Variants in CMBL observed in about 807,000 individuals in gnomAD.
CMBL encodes carboxymethylenebutenolidase homolog (Pseudomonas).
In CMBL, 17 loss-of-function variants were observed where a neutral mutation model predicts 28.7. The observed-to-expected ratio is 0.59, with a 90% CI of 0.41 to 0.89. The LOEUF (loss-of-function observed/expected upper bound fraction) is 0.89. Among genes scored for constraint, CMBL ranks in the 40% least tolerant of loss-of-function variants. The pLI, the probability that CMBL is intolerant of heterozygous loss-of-function variation, is 0.00. For synonymous variants in CMBL, 106 were observed against 101.6 expected, an observed-to-expected ratio of 1.04 and a Z score of -0.26; for missense variants, 310 against 298.5, an observed-to-expected ratio of 1.04 and a Z score of -0.28.
At chr5:10,283,229 T>C (rs1746532959) in intron 4 of CMBL, among the ~76,000 whole-genome samples, 1 of 152,134 alleles carries the variant, frequency 6.6e-6, no homozygotes, top group African/African-American at 2.4e-5. Context: ...CGCTGCTTAG[T>C]ATGGAAAGAT....
chr5:10,291,137 G>T (rs867902484), intron 1 of CMBL, among the ~76,000 whole-genome samples: 46 of 152,302 alleles, frequency 3.0e-4, no homozygotes, highest in African/African-American at 1.1e-3. Context: ...ACCCGACTCA[G>T]GAGCACACCC....
At chr5:10,297,611 T>C (rs1579476618) in intron 1 of CMBL, among the ~76,000 whole-genome samples, 1 of 142,890 alleles carries the variant, frequency 7.0e-6, no homozygotes, top group South Asian at 2.2e-4. Flanking sequence ...GTGCAAAAGA[T>C]GGAGGGAAGA....
At chr5:10,288,706 C>T (rs1050012795) in intron 2 of CMBL, among the ~76,000 whole-genome samples, 177 bp from the exon 3 acceptor site, 12 of 152,240 alleles carry the variant, frequency 7.9e-5, no homozygotes, top group African/African-American at 2.2e-4. Context: ...CGGGCCAAGC[C>T]CTCTTAGGTT....
Position 10,279,392 on chromosome 5 carries a change from T to C in CMBL, c.*1061A>G, listed in dbSNP as rs1372465054. The C allele has an allele frequency of 6.6e-6, 1 of 152,246 alleles. No individual in the cohort carries two copies. Among genetic ancestry groups the C allele is most frequent in the Non-Finnish European group, 1.5e-5 (1 of 68,042 alleles). The allele number at this position is 152,246 out of a possible 1,614,324, so 9.4% of individuals were successfully genotyped here. A position where few individuals can be genotyped will look rare whatever the true frequency, so the allele number is the denominator to read the frequency against. On this transcript the variant is annotated 3_prime_UTR_variant, in exon 6 of 6. Transcript: ENST00000296658. ...AAATGTGACAAATTCAGCTGTTTTG[T>C]GGCATAGATAAGTGTCTAAGCTGGG...
chr5:10,292,063 G>GA (rs1456719560), intron 1 of CMBL: 1 of 152,204 alleles, frequency 6.6e-6, no homozygotes, highest in Non-Finnish European at 1.5e-5. Flanking sequence ...ATGAGGCGGC[G>GA]AAAGTGGGAG....
Position 10,280,213 on chromosome 5 carries a change from A to G in CMBL, c.*240T>C, listed in dbSNP as rs1326536577. On this transcript the variant is annotated 3_prime_UTR_variant, in exon 6 of 6. Coordinates refer to ENST00000296658, the MANE Select transcript of CMBL (RefSeq NM_138809.4). ...TTTGGCCTCCCAAAGTGCTGGAATT[A>G]CAGGCATGAGGCACTACACCTGGTC... is the stretch of plus-strand genomic sequence containing the variant. The G allele has an allele frequency of 6.1e-6, 2 of 328,896 alleles. No individual in the cohort carries two copies. Among genetic ancestry groups the G allele is most frequent in the African/African-American group, 4.2e-5 (2 of 47,498 alleles). 20.4% of individuals were successfully genotyped at this position (328,896 alleles called of 1,614,324 possible). A position where few individuals can be genotyped will look rare whatever the true frequency, so the allele number is the denominator to read the frequency against.
At chr5:10,292,683 G>T (rs989697749) in intron 1 of CMBL, among the ~76,000 whole-genome samples, 2 of 152,052 alleles carry the variant, frequency 1.3e-5, no homozygotes, top group Non-Finnish European at 2.9e-5. Context: ...AGTTAGCCGG[G>T]TGTGGTGGCA....
intron 1 of CMBL, among the ~76,000 whole-genome samples, chr5:10,294,031 C>A (rs551026678): frequency 6.6e-6 from 1 of 152,238 alleles, no homozygotes; most frequent in East Asian, 1.9e-4. Flanking sequence ...TGGTGCCCTG[C>A]AGATATCTGG....
intron 4 of CMBL, among the ~76,000 whole-genome samples, chr5:10,282,623 A>C (rs1449194269): frequency 2.0e-5 from 3 of 151,976 alleles, no homozygotes; most frequent in East Asian, 3.9e-4. Flanking sequence ...TCTCTACAAA[A>C]AATACAAACA....
At chr5:10,283,224 C>A (rs1053867650) in intron 4 of CMBL, among the ~76,000 whole-genome samples, 19 of 152,122 alleles carry the variant, frequency 1.2e-4, no homozygotes, top group Admixed American at 9.8e-4. Flanking sequence ...TCGTCCGCTG[C>A]TTAGTATGGA....
rs558731910 is a variant in CMBL at position 10,303,217 on chromosome 5, T to C, written c.-20+4408A>G. Among the ~76,000 whole-genome samples, 334 of 152,336 alleles carry C rather than the reference T, an allele frequency of 2.2e-3. 2 individuals carry two copies. Among genetic ancestry groups the C allele is most frequent in the African/African-American group, 7.3e-3 (305 of 41,580 alleles). Reference sequence around the variant, plus strand: ...CCCCGATCTTTGAGTTGTCCCACCTTTCCAGACTGAACCAATGTATACCTC... The same window carrying C: ...CCCCGATCTTTGAGTTGTCCCACCTCTCCAGACTGAACCAATGTATACCTC... On this transcript the variant is annotated intron_variant, in intron 1 of 5. Transcript: ENST00000296658.
chr5:10,288,582 A>AT, intron 2 of CMBL, 53 bp from the exon 3 acceptor site: 1 of 1,320,194 alleles, frequency 7.6e-7, no homozygotes. Context: ...TTGACTCAGT[A>AT]TTTTGCTTGC....
intron 4 of CMBL, among the ~76,000 whole-genome samples, chr5:10,284,645 A>T (rs1395330410): frequency 6.6e-6 from 1 of 152,236 alleles, no homozygotes; most frequent in East Asian, 1.9e-4. Flanking sequence ...CTGTAGCCTG[A>T]TGCAGGTGTT....
intron 1 of CMBL, chr5:10,292,186 C>A (rs1746732355): frequency 6.6e-6 from 1 of 151,486 alleles, no homozygotes. Context: ...AACTCACTAG[C>A]TGAGACAGAT....
chr5:10,291,240 T>C (rs1224864614), intron 1 of CMBL, among the ~76,000 whole-genome samples: 2 of 152,046 alleles, frequency 1.3e-5, no homozygotes, highest in African/African-American at 2.4e-5. Flanking sequence ...ACGCCTGCAA[T>C]GTCGAGCCCC....
intron 1 of CMBL, among the ~76,000 whole-genome samples, chr5:10,291,553 C>A (rs967208482): frequency 6.6e-6 from 1 of 151,346 alleles, no homozygotes; most frequent in African/African-American, 2.4e-5. Context: ...CCCAGCTACT[C>A]GGGAGGCTGA....
At chr5:10,302,708 A>G (rs1746921512) in intron 1 of CMBL, among the ~76,000 whole-genome samples, 1 of 152,212 alleles carries the variant, frequency 6.6e-6, no homozygotes, top group African/African-American at 2.4e-5. Flanking sequence ...AGAGGTCTCA[A>G]GACTGACGAA....
At chr5:10,294,749 C>G (rs796178662) in intron 1 of CMBL, among the ~76,000 whole-genome samples, 11 of 152,290 alleles carry the variant, frequency 7.2e-5, no homozygotes, top group African/African-American at 2.6e-4. Flanking sequence ...TACGGCAGAG[C>G]CACTCAGTTC....
chr5:10,302,038 C>A (rs1016881046), intron 1 of CMBL, among the ~76,000 whole-genome samples: 1 of 152,190 alleles, frequency 6.6e-6, no homozygotes. Flanking sequence ...AGGAGACGCC[C>A]GTGTGTGTCG....
Sources: gnomAD v4.1 joint callset for allele counts (sites outside exome capture counted in the v4.1 genomes callset) on GRCh38, gnomAD v4.1.1 for gene constraint, MANE v1.5 for transcripts, NCBI Gene and HGNC (gene_info 2026-07-23, HGNC 2026-07-21) for gene names.